FAT1: variants seen among roughly 807,000 people sequenced by gnomAD.
FAT1 encodes the protein protocadherin Fat 1.
In FAT1, 171 loss-of-function variants were observed where a neutral mutation model predicts 329.8. The observed-to-expected ratio is 0.52, with a 90% CI of 0.46 to 0.59. The LOEUF (loss-of-function observed/expected upper bound fraction) is 0.59. FAT1 is among the 20% of genes least tolerant of loss of function. The pLI, the probability that FAT1 is intolerant of heterozygous loss-of-function variation, is 0.00. For synonymous variants in FAT1, 2,233 were observed against 2,228.6 expected, an observed-to-expected ratio of 1.00 and a Z score of -0.06; for missense variants, 5,672 against 5,774.4, an observed-to-expected ratio of 0.98 and a Z score of 0.57.
Position 186,636,774 on chromosome 4 carries a change from G to A in FAT1, c.3783C>T (p.Asp1261=), listed in dbSNP as rs760080828. Residue 1261 remains aspartate, a synonymous_variant, in exon 5 of 27, where the codon GAC becomes GAT. Transcript: ENST00000441802. The stretch of plus-strand genomic sequence containing the variant: ...GCTCCCGTCTGGCATTTCTTTCTCG[G>A]TCTGGCTTTTCCCGCTCAGGGAGTC... ...KIRLPEREKP[D]RERNARREPL... The A allele has an allele frequency of 6.2e-7, 1 of 1,613,942 alleles. No homozygotes were observed. The highest frequency in any genetic ancestry group is 8.5e-7 in the Non-Finnish European group (1 of 1,179,874).
Position 186,645,399 on chromosome 4 carries a change from A to C in FAT1, c.3581-5616T>G, listed in dbSNP as rs1401507034. Among the ~76,000 whole-genome samples, 55 of 102,114 alleles carry C rather than the reference A, an allele frequency of 5.4e-4. 1 individual carries two copies. Among genetic ancestry groups the C allele is most frequent in the African/African-American group, 2.0e-3 (53 of 26,150 alleles). The allele number at this position is 102,114 out of a possible 152,430, so 67.0% of individuals were successfully genotyped here. ...TATATATATATATATATATATATAT[A>C]TATATATATATATATATATATATGC... On this transcript the variant is annotated intron_variant, in intron 3 of 26. Coordinates refer to ENST00000441802, the MANE Select transcript of FAT1 (RefSeq NM_005245.4).
chr4:186,618,639 GTTAATTTCCAAATTCT>G lies in FAT1; in HGVS notation c.7931_7946del (p.Glu2644AlafsTer6). 1 of 1,614,040 alleles carries G rather than the reference GTTAATTTCCAAATTCT, an allele frequency of 6.2e-7. No individual in the cohort carries two copies. Among genetic ancestry groups the G allele is most frequent in the Non-Finnish European group, 8.5e-7 (1 of 1,179,894 alleles). On this transcript the variant is annotated frameshift_variant, in exon 10 of 27. Coordinates refer to ENST00000441802, the MANE Select transcript of FAT1 (RefSeq NM_005245.4). LOFTEE classifies it high-confidence loss of function. Reference sequence around the variant, plus strand: ...TTGTAGTGATTACGCCGGACAGTTTGTTAATTTCCAAATTCTCTTTTACACTTTCAGAGTCTGCTTC... The same window carrying G: ...TTGTAGTGATTACGCCGGACAGTTTGCTTTTACACTTTCAGAGTCTGCTTC...
intron 2 of FAT1, among the ~76,000 whole-genome samples, chr4:186,664,557 G>T (rs557459983): frequency 1.3e-5 from 2 of 152,344 alleles, no homozygotes; most frequent in African/African-American, 4.8e-5. Context: ...TTACAAAGAA[G>T]AGGGTTAGAG....
At position 186,633,817 on chromosome 4, in the gene FAT1, T is replaced by G. The variant is rs1340331145; in HGVS notation, c.4190A>C (p.Asn1397Thr). The G allele has an allele frequency of 3.1e-6, 5 of 1,613,996 alleles. No homozygotes were observed. The East Asian group carries it at 6.7e-5, about 22-fold the overall frequency. ...GTCCACATCGAAGTGACTGTCGTAGTTGCCACCTAATTTGGGGAAAAAAAA... is the reference window on the plus strand; with the variant it reads ...GTCCACATCGAAGTGACTGTCGTAGGTGCCACCTAATTTGGGGAAAAAAAA... ...IPLWFDITGG[N>T]YDSHFDVDKG... The change falls in exon 7 of 27, where the codon AAC (asparagine) becomes ACC (threonine). Residue 1397 changes from asparagine to threonine, a missense_variant. Coordinates refer to ENST00000441802, the MANE Select transcript of FAT1 (RefSeq NM_005245.4).
intron 2 of FAT1, among the ~76,000 whole-genome samples, chr4:186,682,547 A>C (rs1034256506): frequency 1.3e-5 from 2 of 151,896 alleles, no homozygotes; most frequent in East Asian, 3.9e-4. Flanking sequence ...AAAAAAAAGA[A>C]AGTTGTAAAT....
chr4:186,686,844 A>T (rs1743493029), intron 2 of FAT1, among the ~76,000 whole-genome samples: 1 of 152,226 alleles, frequency 6.6e-6, no homozygotes, highest in African/African-American at 2.4e-5. Flanking sequence ...ATTAACTCAT[A>T]GGGATACTTG....
chr4:186,716,011 T>C (rs982329660), intron 1 of FAT1, among the ~76,000 whole-genome samples: 1 of 152,192 alleles, frequency 6.6e-6, no homozygotes, highest in Non-Finnish European at 1.5e-5. Context: ...GCCCCTGTGC[T>C]GAAAACCTAA....
At chr4:186,623,514 T>G (rs1435241495) in intron 9 of FAT1, among the ~76,000 whole-genome samples, 1 of 152,236 alleles carries the variant, frequency 6.6e-6, no homozygotes, top group Non-Finnish European at 1.5e-5. Flanking sequence ...ATATTCATTC[T>G]TCTATATCCA....
intron 2 of FAT1, among the ~76,000 whole-genome samples, chr4:186,668,075 T>C (rs1266499577): frequency 6.6e-6 from 1 of 152,118 alleles, no homozygotes; most frequent in Non-Finnish European, 1.5e-5. Context: ...ATCTGAGGAT[T>C]CCGCTCAGAG....
At position 186,600,203 on chromosome 4, in the gene FAT1, G is replaced by A. The variant is rs1738741980; in HGVS notation, c.11798C>T (p.Ala3933Val). The A allele has an allele frequency of 1.9e-6, 3 of 1,614,066 alleles. No homozygotes were observed. The highest frequency in any genetic ancestry group is 2.5e-6 in the Non-Finnish European group (3 of 1,179,906). The change falls in exon 22 of 27, where the codon GCA (alanine) becomes GTA (valine). Residue 3933 changes from alanine to valine, a missense_variant. Ala to Val is a moderately conservative substitution (Grantham distance 64). Around this residue, in one of 2 missense-constraint regions of FAT1, gnomAD observed 1,706 missense variants for 1,859.1 expected, o/e 0.92. Coordinates refer to ENST00000441802, the MANE Select transcript of FAT1 (RefSeq NM_005245.4). The part of the protein sequence containing the change: ...ARLVLDQVHT[A>V]SGTAPGTLKT... ...CAGAGTCCCTGGGGCTGTGCCCGAT[G>A]CAGTATGAACTTGGTCTAGAACCAA...
chr4:186,636,597 A>G lies in FAT1; in HGVS notation c.3960T>C (p.Tyr1320=). 1 of 1,609,714 alleles carries G rather than the reference A, an allele frequency of 6.2e-7. No homozygotes were observed. The highest frequency in any genetic ancestry group is 1.1e-5 in the South Asian group (1 of 90,572). ...AATCTTAACTCACTGAAAGAATATC[A>G]TATTCTCCAGCTGCTGAAAACCTCT... ...SSKRFSAAGE[Y]DILSIKAVDN... The change falls in exon 5 of 27, where the codon TAT becomes TAC. Residue 1320 remains tyrosine, a synonymous_variant. Transcript: ENST00000441802.
At chr4:186,710,691 C>G (rs1294023027) in intron 1 of FAT1, among the ~76,000 whole-genome samples, 1 of 152,148 alleles carries the variant, frequency 6.6e-6, no homozygotes, top group East Asian at 1.9e-4. Context: ...CAGAATGTCT[C>G]CTATCTTCAG....
At chr4:186,650,635 C>T (rs1055342433) in intron 3 of FAT1, among the ~76,000 whole-genome samples, 1 of 152,296 alleles carries the variant, frequency 6.6e-6, no homozygotes, top group South Asian at 2.1e-4. Flanking sequence ...TTTACCCAAA[C>T]TGTCCTTTCG....
At chr4:186,640,962 C>T (rs1321178797) in intron 3 of FAT1, among the ~76,000 whole-genome samples, 3 of 152,158 alleles carry the variant, frequency 2.0e-5, no homozygotes, top group East Asian at 1.9e-4. Flanking sequence ...CCCAGTGCTG[C>T]GGCTTTTTTC....
chr4:186,701,796 A>G, intron 2 of FAT1, among the ~76,000 whole-genome samples: 1 of 152,252 alleles, frequency 6.6e-6, no homozygotes, highest in East Asian at 1.9e-4. Flanking sequence ...TGAATAATAA[A>G]TAGCTGAAAC....
Position 186,688,445 on chromosome 4 carries a change from G to A in FAT1, c.3265+18118C>T, listed in dbSNP as rs536130866. Among the ~76,000 whole-genome samples, 112 of 152,050 alleles carry A rather than the reference G, an allele frequency of 7.4e-4. 1 individual carries two copies. The highest frequency in any genetic ancestry group is 2.6e-4 in the Non-Finnish European group (18 of 68,034). On this transcript the variant is annotated intron_variant, in intron 2 of 26. Transcript: ENST00000441802. ...GGACCCCATGTGGTCCTTTCACAGGGGCTTCGGCAAATCCCCTGCAGTGAG... is the reference window on the plus strand; with the variant it reads ...GGACCCCATGTGGTCCTTTCACAGGAGCTTCGGCAAATCCCCTGCAGTGAG...
intron 2 of FAT1, among the ~76,000 whole-genome samples, chr4:186,701,930 T>C (rs327066): frequency 0.033 from 5,000 of 152,268 alleles, 273 homozygotes; most frequent in African/African-American, 0.11. Context: ...CTCACCTGTG[T>C]GCACCTAAGC....
chr4:186,605,216 G>GA (rs34790170), intron 17 of FAT1, among the ~76,000 whole-genome samples: 152 of 67,474 alleles, frequency 2.3e-3, no homozygotes, highest in South Asian at 4.6e-3. Context: ...CTCCATCTCA[G>GA]AAAAAAAAAA....
intron 2 of FAT1, among the ~76,000 whole-genome samples, chr4:186,671,144 T>C (rs572906614): frequency 6.6e-6 from 1 of 152,316 alleles, no homozygotes; most frequent in Admixed American, 6.5e-5. Flanking sequence ...TGAACTTACC[T>C]GTTTTTAATC....
Sources: gnomAD v4.1 joint callset for allele counts (sites outside exome capture counted in the v4.1 genomes callset) on GRCh38, gnomAD v4.1.1 for gene constraint, gnomAD v4.1.1 regional missense constraint, MANE v1.5 for transcripts, NCBI Gene and HGNC (gene_info 2026-07-23, HGNC 2026-07-21) for gene names.